TENM3: variants seen among roughly 807,000 people sequenced by gnomAD.
TENM3 encodes the protein teneurin-3.
In TENM3, 63 loss-of-function variants were observed where a neutral mutation model predicts 255.1. That is an observed-to-expected ratio of 0.25 (90% CI 0.20 to 0.30). TENM3 has a LOEUF of 0.30. Among genes scored for constraint, TENM3 ranks in the 10% least tolerant of loss-of-function variants. The probability of loss-of-function intolerance (pLI) is 1.00; values close to 1 mark genes in which losing one functional copy is unlikely to be tolerated. For missense variants in TENM3, 2,929 were observed against 3,461.1 expected (o/e 0.85, Z 3.86); for synonymous variants, 1,306 against 1,322.3 (o/e 0.99, Z 0.27).
chr4:181,489,743 T>A, the TENM3 span, among the ~76,000 whole-genome samples: 6 of 152,356 alleles, frequency 3.9e-5, no homozygotes, highest in South Asian at 2.1e-4. Flanking sequence ...TTCACTTTTT[T>A]AAAATCCAGG....
chr4:181,548,747 G>A, the TENM3 span, among the ~76,000 whole-genome samples: 2 of 152,102 alleles, frequency 1.3e-5, no homozygotes, highest in African/African-American at 2.4e-5. Context: ...AATGGGAGGA[G>A]CAAGGAAACA....
chr4:182,503,756 G>A (rs1452731682), intron 3 of TENM3, among the ~76,000 whole-genome samples: 1 of 152,050 alleles, frequency 6.6e-6, no homozygotes, highest in Non-Finnish European at 1.5e-5. Flanking sequence ...TATTCCATAG[G>A]TCAAGACAAA....
the TENM3 span, among the ~76,000 whole-genome samples, chr4:182,097,519 T>C: frequency 6.6e-6 from 1 of 152,222 alleles, no homozygotes; most frequent in South Asian, 2.1e-4. Context: ...CAGTGCTTTA[T>C]GGGTCTCTGC....
Position 182,378,509 on chromosome 4 carries a change from G to C in TENM3, c.511+31580G>C, listed in dbSNP as rs566724448. Among the ~76,000 whole-genome samples, 8 of 152,300 alleles carry C rather than the reference G, an allele frequency of 5.3e-5. No individual in the cohort carries two copies. In the South Asian group the frequency reaches 1.7e-3, roughly 32 times the overall value. ...AGTGACAGGTTTAAAGCTGAGACTT[G>C]AGGGGACAGAACGAACAAGTTAGAT... On this transcript the variant is annotated intron_variant, in intron 3 of 27. Coordinates refer to ENST00000511685, the MANE Select transcript of TENM3 (RefSeq NM_001080477.4).
chr4:181,707,316 C>A, the TENM3 span, among the ~76,000 whole-genome samples: 3 of 152,154 alleles, frequency 2.0e-5, no homozygotes, highest in Non-Finnish European at 2.9e-5. Context: ...CTGCCGGGCC[C>A]ATTTTTCTCT....
At chr4:181,542,154 TA>T in the TENM3 span, among the ~76,000 whole-genome samples, 2 of 151,984 alleles carry the variant, frequency 1.3e-5, no homozygotes, top group African/African-American at 4.8e-5. Flanking sequence ...ATGGAGGAAA[TA>T]AAGTAGAAAG....
At chr4:182,508,143 T>C (rs1737027787) in intron 3 of TENM3, among the ~76,000 whole-genome samples, 1 of 152,218 alleles carries the variant, frequency 6.6e-6, no homozygotes, top group Admixed American at 6.5e-5. Context: ...TGAGCTGTTA[T>C]AAGGATGAGA....
At chr4:182,561,985 C>CAGATAGAT (rs60745078) in intron 3 of TENM3, among the ~76,000 whole-genome samples, 10,292 of 145,220 alleles carry the variant, frequency 0.071, 434 homozygotes, top group African/African-American at 0.11. Context: ...GATAGATAGA[C>CAGATAGAT]AGATAGATAG....
the TENM3 span, among the ~76,000 whole-genome samples, chr4:182,058,981 T>TGTGTGC: frequency 6.7e-6 from 1 of 148,248 alleles, no homozygotes; most frequent in African/African-American, 2.5e-5. Context: ...TGTGTGTGTG[T>TGTGTGC]TTGTGGCAAG....
At chr4:181,958,648 G>C in the TENM3 span, among the ~76,000 whole-genome samples, 27 of 152,160 alleles carry the variant, frequency 1.8e-4, no homozygotes, top group South Asian at 5.4e-3. Context: ...TGTCTCCCTT[G>C]ACCTCAAGCC....
the TENM3 span, among the ~76,000 whole-genome samples, chr4:181,774,003 G>GTTT: frequency 8.1e-3 from 727 of 89,394 alleles, no homozygotes; most frequent in Non-Finnish European, 9.7e-3. Context: ...TGGTGGCTGT[G>GTTT]TTTTTTTTTT....
At chr4:181,721,524 C>T in the TENM3 span, among the ~76,000 whole-genome samples, 1 of 75,014 alleles carries the variant, frequency 1.3e-5, no homozygotes. Context: ...GGCGTGAACC[C>T]GGGAGGCGGA....
the TENM3 span, among the ~76,000 whole-genome samples, chr4:182,116,702 C>A: frequency 6.6e-6 from 1 of 152,218 alleles, no homozygotes; most frequent in African/African-American, 2.4e-5. Flanking sequence ...TGAGAACAGA[C>A]TAATACAACT....
At chr4:181,585,734 C>A in the TENM3 span, among the ~76,000 whole-genome samples, 2 of 152,136 alleles carry the variant, frequency 1.3e-5, no homozygotes, top group African/African-American at 4.8e-5. Context: ...GTCAGCAGGA[C>A]CATATATTTG....
intron 3 of TENM3, among the ~76,000 whole-genome samples, chr4:182,362,077 A>G (rs1766038048): frequency 6.6e-6 from 1 of 152,092 alleles, no homozygotes; most frequent in South Asian, 2.1e-4. Flanking sequence ...TTCCTCTGGA[A>G]GTTTTGTCTC....
the TENM3 span, among the ~76,000 whole-genome samples, chr4:181,983,613 G>A: frequency 6.6e-6 from 1 of 152,114 alleles, no homozygotes; most frequent in Non-Finnish European, 1.5e-5. Flanking sequence ...TTTTTCAAAA[G>A]GTTTATTAAG....
intron 19 of TENM3, among the ~76,000 whole-genome samples, chr4:182,750,074 A>C (rs1362197723): frequency 6.6e-6 from 1 of 152,242 alleles, no homozygotes; most frequent in Non-Finnish European, 1.5e-5. Context: ...ACATTAAGGG[A>C]TGCAATATGT....
At chr4:181,831,343 G>A in the TENM3 span, among the ~76,000 whole-genome samples, 45 of 152,152 alleles carry the variant, frequency 3.0e-4, no homozygotes, top group Non-Finnish European at 3.4e-4. Context: ...ATTCTAATAA[G>A]TCCACCTTTG....
chr4:181,466,971 T>G, the TENM3 span, among the ~76,000 whole-genome samples: 2 of 150,994 alleles, frequency 1.3e-5, no homozygotes, highest in African/African-American at 4.9e-5. Flanking sequence ...ATTGCATTTA[T>G]TTGAAATTAC....
Sources: gnomAD v4.1 joint callset for allele counts (sites outside exome capture counted in the v4.1 genomes callset) on GRCh38, gnomAD v4.1.1 for gene constraint, MANE v1.5 for transcripts, NCBI Gene and HGNC (gene_info 2026-07-23, HGNC 2026-07-21) for gene names.